MAP7: variants seen among roughly 807,000 people sequenced by gnomAD.
MAP7 encodes ensconsin.
A neutral mutation model predicts 94.8 loss-of-function variants in MAP7; 52 were observed. The ratio of observed to expected loss-of-function variants is 0.55; its 90% confidence interval spans 0.44 to 0.69. The LOEUF is 0.69. Ranked by LOEUF, MAP7 falls within the 30% of genes least tolerant of loss-of-function variation. MAP7 has a pLI of 0.00. For synonymous variants in MAP7, 350 were observed against 357.0 expected (o/e 0.98, Z 0.22); for missense variants, 940 against 964.6 (o/e 0.97, Z 0.34).
intron 1 of MAP7, among the ~76,000 whole-genome samples, chr6:136,517,352 AT>A (rs1202996313): frequency 1.3e-5 from 2 of 152,232 alleles, no homozygotes; most frequent in Admixed American, 6.5e-5. Context: ...TAGGGAAAAT[AT>A]CTCTATAAAA....
intron 1 of MAP7, among the ~76,000 whole-genome samples, chr6:136,539,717 G>A (rs918987125): frequency 2.6e-5 from 4 of 152,168 alleles, no homozygotes; most frequent in Admixed American, 2.0e-4. Context: ...GGTGGCTCAT[G>A]CCTATAATTC....
At chr6:136,549,806 G>C (rs1183347015) in intron 1 of MAP7, among the ~76,000 whole-genome samples, 1 of 152,178 alleles carries the variant, frequency 6.6e-6, no homozygotes, top group Non-Finnish European at 1.5e-5. Context: ...TCGCCACTGC[G>C]GGCACCAGAT....
chr6:136,447,952 G>T (rs988725817), intron 1 of MAP7, among the ~76,000 whole-genome samples: 2 of 152,196 alleles, frequency 1.3e-5, no homozygotes, highest in Non-Finnish European at 2.9e-5. Context: ...AGCACTTTGG[G>T]AGGCTGAGGC....
At chr6:136,490,943 T>A (rs190245405) in intron 1 of MAP7, among the ~76,000 whole-genome samples, 2 of 152,296 alleles carry the variant, frequency 1.3e-5, no homozygotes, top group East Asian at 3.9e-4. Flanking sequence ...CTTCTCCCCA[T>A]AATCACTCCT....
intron 3 of MAP7, among the ~76,000 whole-genome samples, chr6:136,394,758 T>C (rs976095520): frequency 1.3e-5 from 2 of 150,904 alleles, no homozygotes; most frequent in African/African-American, 4.9e-5. Context: ...CAAGCACCAC[T>C]CGACTCACTA....
chr6:136,443,792 A>T (rs1027885201), intron 1 of MAP7, among the ~76,000 whole-genome samples: 11 of 152,062 alleles, frequency 7.2e-5, no homozygotes, highest in African/African-American at 2.7e-4. Flanking sequence ...CATCCTGAAC[A>T]TTATGTGGCT....
chr6:136,483,430 C>T (rs1265480897), intron 1 of MAP7, among the ~76,000 whole-genome samples: 1 of 151,984 alleles, frequency 6.6e-6, no homozygotes, highest in African/African-American at 2.4e-5. Context: ...TACCTGGTGA[C>T]ACAATAATCT....
chr6:136,477,002 A>G (rs1283889460), intron 1 of MAP7, among the ~76,000 whole-genome samples: 1 of 152,240 alleles, frequency 6.6e-6, no homozygotes, highest in Non-Finnish European at 1.5e-5. Context: ...CCAGGCAAGA[A>G]TCACTGAGGC....
intron 1 of MAP7, among the ~76,000 whole-genome samples, chr6:136,472,600 C>A (rs1407293437): frequency 6.6e-6 from 1 of 152,124 alleles, no homozygotes; most frequent in Non-Finnish European, 1.5e-5. Flanking sequence ...CTAGACAATA[C>A]ACTCTCCTCA....
At chr6:136,417,355 T>G (rs1225028364) in intron 2 of MAP7, among the ~76,000 whole-genome samples, 1 of 152,236 alleles carries the variant, frequency 6.6e-6, no homozygotes, top group East Asian at 1.9e-4. Context: ...ATTAAAATTC[T>G]CTGTTTGATA....
chr6:136,383,615 G>GA (rs1168348392), intron 6 of MAP7, 56 bp downstream of exon 6: 161 of 956,662 alleles, frequency 1.7e-4, no homozygotes, highest in South Asian at 2.3e-4. Context: ...TAAACATCCA[G>GA]AAAAAAAAGC....
intron 1 of MAP7, among the ~76,000 whole-genome samples, chr6:136,462,073 G>A (rs886348737): frequency 1.3e-5 from 2 of 151,594 alleles, no homozygotes; most frequent in African/African-American, 4.8e-5. Flanking sequence ...TGTCATACTT[G>A]TAGTCCCAGC....
intron 1 of MAP7, among the ~76,000 whole-genome samples, chr6:136,438,371 C>A (rs552111655): frequency 6.6e-6 from 1 of 152,148 alleles, no homozygotes; most frequent in Non-Finnish European, 1.5e-5. Context: ...CTGAATCTAA[C>A]CTGGTTCGAC....
intron 1 of MAP7, among the ~76,000 whole-genome samples, chr6:136,542,702 C>T (rs1829423875): frequency 6.7e-6 from 1 of 149,456 alleles, no homozygotes. Flanking sequence ...TTCAAGCAAG[C>T]AATGGTGTGT....
chr6:136,520,672 G>C (rs1193331277), intron 1 of MAP7, among the ~76,000 whole-genome samples: 1 of 152,204 alleles, frequency 6.6e-6, no homozygotes, highest in African/African-American at 2.4e-5. Flanking sequence ...GAGAGAGGAG[G>C]TTTCCTGCAG....
rs975766112 is a variant in MAP7, at chr6:136,395,145, A to G, written c.245-5628T>C. 1.6e-4 allele frequency among the ~76,000 whole-genome samples: 24 copies of G among 150,966 alleles called. 1 individual carries two copies. The highest frequency in any genetic ancestry group is 1.5e-3 in the Admixed American group (23 of 15,146). ...TTTTAGTTTTTTGAGGAGCTTCCATACTGTCTTCCATAGCGGCTACACTAA... is the reference window on the plus strand; with the variant it reads ...TTTTAGTTTTTTGAGGAGCTTCCATGCTGTCTTCCATAGCGGCTACACTAA... On this transcript the variant is annotated intron_variant, in intron 3 of 17. Coordinates refer to ENST00000354570, the MANE Select transcript of MAP7 (RefSeq NM_003980.6).
At chr6:136,393,590 G>A (rs908319293) in intron 3 of MAP7, among the ~76,000 whole-genome samples, 1 of 152,104 alleles carries the variant, frequency 6.6e-6, no homozygotes, top group South Asian at 2.1e-4. Context: ...TGCTGATCTT[G>A]TGACATCAAC....
chr6:136,478,830 A>G lies in MAP7; in HGVS notation c.68-57031T>C, dbSNP rs184845015. On this transcript the variant is annotated intron_variant, in intron 1 of 17. Coordinates refer to ENST00000354570, the MANE Select transcript of MAP7 (RefSeq NM_003980.6). The stretch of plus-strand genomic sequence containing the variant: ...GTTTCCCAGCAAAGAAAAGCAAAGG[A>G]CTCCATGGCTTTACTGCTGAATTTT... Among the ~76,000 whole-genome samples, 578 of 151,856 alleles carry G rather than the reference A, an allele frequency of 3.8e-3. 4 individuals are homozygous for G. The highest frequency in any genetic ancestry group is 0.013 in the African/African-American group (556 of 41,450).
At chr6:136,402,341 A>C (rs565555410) in intron 3 of MAP7, among the ~76,000 whole-genome samples, 6 of 152,378 alleles carry the variant, frequency 3.9e-5, no homozygotes, top group Non-Finnish European at 8.8e-5. Flanking sequence ...GGACAGAGTG[A>C]TCTCCAAGCA....
Sources: gnomAD v4.1 joint callset for allele counts (sites outside exome capture counted in the v4.1 genomes callset) on GRCh38, gnomAD v4.1.1 for gene constraint, MANE v1.5 for transcripts, NCBI Gene and HGNC (gene_info 2026-07-23, HGNC 2026-07-21) for gene names.